The following ZBTB40 variants were observed in gnomAD, a reference collection of about 807,000 sequenced individuals.
The protein encoded by ZBTB40 is zinc finger and BTB domain-containing protein 40.
ZBTB40 carries 60 observed loss-of-function variants against 117.5 expected under a neutral mutation model. The ratio of observed to expected loss-of-function variants is 0.51; its 90% CI spans 0.41 to 0.63. The LOEUF is 0.63. ZBTB40 is among the 30% of genes least tolerant of loss of function. The probability of loss-of-function intolerance (pLI) is 0.00; values close to 1 mark genes in which losing one functional copy is unlikely to be tolerated. For missense variants in ZBTB40, 1,287 were observed against 1,498.5 expected (o/e 0.86, Z 2.33); for synonymous variants, 525 against 577.1 (o/e 0.91, Z 1.29).
At chr1:22,443,741 A>C (rs1031609298) in intron 1 of ZBTB40, among the ~76,000 whole-genome samples, 1 of 152,218 alleles carries the variant, frequency 6.6e-6, no homozygotes, top group Non-Finnish European at 1.5e-5. Flanking sequence ...AAAATATGTC[A>C]AAGAAATATA....
In ZBTB40 at chr1:22,437,863, C is replaced by T. The variant is rs1023085378; in HGVS notation, c.-70+8849C>T. Among the ~76,000 whole-genome samples, 11 of 20,032 alleles carry T rather than the reference C, an allele frequency of 5.5e-4. No homozygotes were observed. The Non-Finnish European group carries it at 0.016, about 30-fold the overall frequency. The allele number at this position is 20,032 out of a possible 152,430, so 13.1% of individuals were successfully genotyped here. On this transcript the variant is annotated intron_variant, in intron 1 of 8. Transcript: ENST00000650433. The stretch of plus-strand genomic sequence containing the variant: ...AACTCTGGTCGGGTGTGGTGGCTCA[C>T]GCCTGTAATCCAGCACTTTGGGAAG...
At chr1:22,504,752 A>G (rs191795602) in intron 5 of ZBTB40, among the ~76,000 whole-genome samples, 15 of 152,370 alleles carry the variant, frequency 9.8e-5, no homozygotes, top group Admixed American at 5.2e-4. Context: ...GGCTTGAAGA[A>G]TTAAATAACT....
chr1:22,480,050 GCA>G (rs1638244927), intron 1 of ZBTB40, among the ~76,000 whole-genome samples: 2 of 151,696 alleles, frequency 1.3e-5, no homozygotes. Flanking sequence ...GGGATTACAG[GCA>G]CCCCCCCACC....
intron 3 of ZBTB40, among the ~76,000 whole-genome samples, chr1:22,492,487 T>G (rs1638659650): frequency 6.6e-6 from 1 of 152,234 alleles, no homozygotes; most frequent in African/African-American, 2.4e-5. Context: ...GCTTCCCCTT[T>G]CTGAGAGGCT....
intron 1 of ZBTB40, among the ~76,000 whole-genome samples, chr1:22,463,400 A>C (rs773706466): frequency 1.6e-4 from 24 of 152,210 alleles, no homozygotes. Context: ...GTGTATTATA[A>C]TCAATCTGAT....
intron 16 of ZBTB40, 151 bp downstream of exon 16, chr1:22,522,614 C>A (rs1639562025): frequency 2.6e-6 from 2 of 767,648 alleles, no homozygotes; most frequent in Non-Finnish European, 4.5e-6. Context: ...TAGCACCTGC[C>A]TCATAGAGTA....
intron 13 of ZBTB40, among the ~76,000 whole-genome samples, chr1:22,518,323 C>T (rs984695944): frequency 1.3e-5 from 2 of 152,156 alleles, no homozygotes; most frequent in Admixed American, 6.5e-5. Flanking sequence ...TATGCCCCTT[C>T]TGTAAACTAG....
chr1:22,453,766 A>G (rs192777858), intron 1 of ZBTB40, among the ~76,000 whole-genome samples: 1 of 152,256 alleles, frequency 6.6e-6, no homozygotes, highest in African/African-American at 2.4e-5. Flanking sequence ...GATCACACTG[A>G]ACACCCTGTA....
chr1:22,480,157 C>T (rs1319766874), intron 1 of ZBTB40, among the ~76,000 whole-genome samples: 6 of 152,152 alleles, frequency 3.9e-5, no homozygotes, highest in African/African-American at 7.2e-5. Flanking sequence ...CCACCTGCCT[C>T]GGCCTCCCAA....
intron 17 of ZBTB40, 52 bp downstream of exon 17, chr1:22,524,496 G>T: frequency 6.3e-7 from 1 of 1,582,412 alleles, no homozygotes; most frequent in South Asian, 1.1e-5. Context: ...GGTTCCTAAG[G>T]CTTCTCTAGA....
intron 1 of ZBTB40, among the ~76,000 whole-genome samples, chr1:22,488,983 A>G (rs573163024): frequency 6.6e-6 from 1 of 152,234 alleles, no homozygotes; most frequent in African/African-American, 2.4e-5. Flanking sequence ...AGGATTGGAT[A>G]TAGCGTATGA....
intron 1 of ZBTB40, among the ~76,000 whole-genome samples, chr1:22,429,753 G>A (rs756009981): frequency 1.2e-4 from 19 of 152,176 alleles, no homozygotes; most frequent in Non-Finnish European, 2.1e-4. Flanking sequence ...AGCACTTTGG[G>A]AGGCCGAGGC....
At chr1:22,457,210 C>T (rs983091848) in intron 1 of ZBTB40, among the ~76,000 whole-genome samples, 1 of 152,064 alleles carries the variant, frequency 6.6e-6, no homozygotes, top group African/African-American at 2.4e-5. Flanking sequence ...TGTTTCCCTG[C>T]ATTTGTCCAC....
intron 14 of ZBTB40, among the ~76,000 whole-genome samples, chr1:22,520,974 G>C (rs990843622): frequency 6.6e-6 from 1 of 152,240 alleles, no homozygotes; most frequent in Non-Finnish European, 1.5e-5. Context: ...AGTATTCCCA[G>C]TGCTGCTCTG....
chr1:22,449,207 C>A (rs1265289305), upstream of ZBTB40, among the ~76,000 whole-genome samples: 1 of 152,110 alleles, frequency 6.6e-6, no homozygotes, highest in Non-Finnish European at 1.5e-5. Context: ...GGCAGTTTAG[C>A]AGAGGCACCT....
intron 1 of ZBTB40, among the ~76,000 whole-genome samples, chr1:22,487,941 T>A (rs1031474672): frequency 1.3e-5 from 2 of 152,162 alleles, no homozygotes; most frequent in South Asian, 4.1e-4. Flanking sequence ...CCAGTAATAA[T>A]CTCAGTTCCT....
chr1:22,524,061 C>A (rs1245440083), intron 16 of ZBTB40, among the ~76,000 whole-genome samples, 157 bp from the exon 17 acceptor site: 4 of 152,122 alleles, frequency 2.6e-5, no homozygotes, highest in Non-Finnish European at 5.9e-5. Context: ...TTAAGGCCCC[C>A]CAGATTGAAT....
intron 1 of ZBTB40, among the ~76,000 whole-genome samples, chr1:22,466,036 T>C (rs1279587078): frequency 3.9e-5 from 6 of 152,200 alleles, no homozygotes; most frequent in African/African-American, 7.2e-5. Flanking sequence ...CCCCATTTAC[T>C]CTTCCCCAAA....
Position 22,512,060 on chromosome 1 carries a change from A to G in ZBTB40, c.2387A>G (p.Asp796Gly), listed in dbSNP as rs367958144. The G allele has an allele frequency of 6.2e-7, 1 of 1,614,078 alleles. No individual in the cohort carries two copies. The change falls in exon 11 of 18, where the codon GAT (aspartate) becomes GGT (glycine). Residue 796 changes from aspartate (D) to glycine (G), a missense_variant. Around this residue, in one of 2 missense-constraint regions of ZBTB40, gnomAD observed 870 missense variants for 934.4 expected, o/e 0.93. Transcript: ENST00000375647. Reference sequence around the variant, plus strand: ...GCCCATGGTGCAGGTGGAGAGCCCGATGCCCCCAAGAAGAAGAAGAAGAGG... The same window carrying G: ...GCCCATGGTGCAGGTGGAGAGCCCGGTGCCCCCAAGAAGAAGAAGAAGAGG... ...LEAHGAGGEP[D>G]APKKKKKRLP...
Sources: allele counts gnomAD v4.1 joint callset (sites outside exome capture counted in the v4.1 genomes callset), GRCh38; gene constraint gnomAD v4.1.1; regional missense constraint gnomAD v4.1.1; transcripts MANE v1.5; gene names NCBI Gene and HGNC (gene_info 2026-07-23, HGNC 2026-07-21).